Variants in PCDHGA1 observed in about 807,000 individuals in gnomAD.
PCDHGA1 encodes the protein protocadherin gamma-A1.
A neutral mutation model predicts 58.0 loss-of-function variants in PCDHGA1; 32 were observed. The observed-to-expected ratio is 0.55, with a 90% confidence interval of 0.42 to 0.74. The LOEUF is 0.74. PCDHGA1 is among the 30% of genes least tolerant of loss of function. The pLI is 0.00. For synonymous variants in PCDHGA1, 498 were observed against 501.1 expected (o/e 0.99, Z 0.08); for missense variants, 1,205 against 1,182.3 (o/e 1.02, Z -0.28).
intron 1 of PCDHGA1, among the ~76,000 whole-genome samples, chr5:141,425,551 T>C (rs1472337722): frequency 1.3e-5 from 2 of 152,270 alleles, no homozygotes. Context: ...CAGAAACCTC[T>C]TTTATAAGTG....
chr5:141,489,571 G>A lies in PCDHGA1; in HGVS notation c.2422-5236G>A, dbSNP rs1206848223. The A allele has an allele frequency of 1.9e-6, 3 of 1,613,884 alleles. No individual in the cohort carries two copies. The highest frequency in any genetic ancestry group is 2.2e-5 in the South Asian group (2 of 91,070). On this transcript the variant is annotated intron_variant, in intron 1 of 3. Transcript: ENST00000517417. The surrounding 1 kb of genome is among the most constrained non-coding windows in gnomAD (Gnocchi z 4.5). ...CCTGCTGCCAGTGCAGGTGGTGACT[G>A]AACACCCCCTGGAGCTAATCCGTGT...
At chr5:141,342,901 A>T (rs1410396664) in intron 1 of PCDHGA1, 2 of 152,192 alleles carry the variant, frequency 1.3e-5, no homozygotes, top group African/African-American at 4.8e-5. Context: ...AACAAAGGAA[A>T]CTTCTTTCAG....
intron 1 of PCDHGA1, chr5:141,350,440 A>G (rs1272491529): frequency 6.2e-7 from 1 of 1,610,678 alleles, no homozygotes; most frequent in African/African-American, 1.3e-5. Context: ...GGGAGTTGCC[A>G]ACTCGAAAAC....
chr5:141,402,684 A>G (rs2094294341), intron 1 of PCDHGA1, among the ~76,000 whole-genome samples: 1 of 152,144 alleles, frequency 6.6e-6, no homozygotes, highest in African/African-American at 2.4e-5. Context: ...ATCTGATATA[A>G]TGTTACACAT....
At position 141,361,465 on chromosome 5, in the gene PCDHGA1, G is replaced by A. The variant is rs548966955; in HGVS notation, c.2421+28360G>A. ...CATAATTGTCACCCTGCACATCTCC[G>A]ACGTCAACGATAATGCCCCAGTTTT... On this transcript the variant is annotated intron_variant, in intron 1 of 3. Transcript: ENST00000517417. 2.4e-4 allele frequency: 384 copies of A among 1,613,986 alleles called. 5 individuals carry two copies. The East Asian group carries it at 8.3e-3, about 35-fold the overall frequency.
intron 1 of PCDHGA1, chr5:141,360,475 CTAAA>C: frequency 6.2e-7 from 1 of 1,613,928 alleles, no homozygotes; most frequent in African/African-American, 1.3e-5. Flanking sequence ...TGAAAATCCA[CTAAA>C]TATTTTCTAC....
chr5:141,483,009 C>T (rs538900128), intron 1 of PCDHGA1, among the ~76,000 whole-genome samples: 4 of 151,942 alleles, frequency 2.6e-5, no homozygotes, highest in Non-Finnish European at 5.9e-5. Flanking sequence ...TGCTTGAACC[C>T]GGGAGGCAGA....
intron 1 of PCDHGA1, chr5:141,371,391 G>A (rs1356149825): frequency 6.2e-7 from 1 of 1,614,004 alleles, no homozygotes; most frequent in Admixed American, 1.7e-5. Flanking sequence ...ATATTGTAAA[G>A]TACAGATAGA....
Position 141,512,495 on chromosome 5 carries a change from C to T in PCDHGA1, c.*1322C>T, listed in dbSNP as rs2099884264. 1 of 152,920 alleles carries T rather than the reference C, an allele frequency of 6.5e-6. No homozygotes were observed. The highest frequency in any genetic ancestry group is 1.5e-5 in the Non-Finnish European group (1 of 68,240). The allele number at this position is 152,920 out of a possible 1,614,324, so 9.5% of individuals were successfully genotyped here. A position where few individuals can be genotyped will look rare whatever the true frequency, so the allele number is the denominator to read the frequency against. On this transcript the variant is annotated 3_prime_UTR_variant, in exon 4 of 4. Coordinates refer to ENST00000517417, the MANE Select transcript of PCDHGA1 (RefSeq NM_018912.3). ...TTCCGTGAAGGCCACTGCCCAGGTCCCCAGTGCGCCCCCTAGTGGCCATAG... is the reference window on the plus strand; with the variant it reads ...TTCCGTGAAGGCCACTGCCCAGGTCTCCAGTGCGCCCCCTAGTGGCCATAG...
chr5:141,486,170 C>T lies in PCDHGA1; in HGVS notation c.2422-8637C>T, dbSNP rs759946548. The stretch of plus-strand genomic sequence containing the variant: ...TGGGGGTTCTCCAGCCATGGAGCAA[C>T]ATTGCAGCCTTCGAGTGGATCTGCT... On this transcript the variant is annotated intron_variant, in intron 1 of 3. Coordinates refer to ENST00000517417, the MANE Select transcript of PCDHGA1 (RefSeq NM_018912.3). This position sits in a 1 kb window ranked among gnomAD's most constrained non-coding sequence, Gnocchi z 5.0. The T allele has an allele frequency of 1.5e-5, 24 of 1,614,116 alleles. No individual in the cohort carries two copies. Among genetic ancestry groups the T allele is most frequent in the South Asian group, 4.4e-5 (4 of 91,090 alleles).
chr5:141,388,868 A>G lies in PCDHGA1; in HGVS notation c.2421+55763A>G, dbSNP rs138074064. On this transcript the variant is annotated intron_variant, in intron 1 of 3. Transcript: ENST00000517417. The stretch of plus-strand genomic sequence containing the variant: ...GGGACGGTGGAGGAATGATTGCGCA[A>G]TGCACAGTGGAGGTAGAAGTCATAG... 208 of 1,613,992 alleles carry G rather than the reference A, an allele frequency of 1.3e-4. 2 individuals are homozygous for G. In the African/African-American group the frequency reaches 2.5e-3, roughly 19 times the overall value.
chr5:141,381,114 C>T (rs1776995401), intron 1 of PCDHGA1, among the ~76,000 whole-genome samples: 1 of 152,152 alleles, frequency 6.6e-6, no homozygotes, highest in Non-Finnish European at 1.5e-5. Context: ...CAAAGTGTTC[C>T]CTGTATTCTG....
At chr5:141,510,353 C>T (rs74759939) in intron 3 of PCDHGA1, among the ~76,000 whole-genome samples, 2 of 146,504 alleles carry the variant, frequency 1.4e-5, no homozygotes, top group African/African-American at 5.0e-5. Context: ...CACTTACTAA[C>T]GGAACTACCG....
intron 1 of PCDHGA1, chr5:141,415,029 G>T (rs777967290): frequency 8.1e-6 from 13 of 1,613,554 alleles, no homozygotes; most frequent in Non-Finnish European, 1.0e-5. Context: ...CCAGCGAGCC[G>T]GGACTCTTCG....
In PCDHGA1 at chr5:141,489,514, C is replaced by T. The variant is rs141377711; in HGVS notation, c.2422-5293C>T. 63 of 1,613,926 alleles carry T rather than the reference C, an allele frequency of 3.9e-5. No homozygotes were observed. The highest frequency in any genetic ancestry group is 6.7e-5 in the Admixed American group (4 of 60,004). ...CCTGGCAGTGAATCAAAAGATTGAC[C>T]GAGAAAGCCTATGTGGAGCCAGCAC... On this transcript the variant is annotated intron_variant, in intron 1 of 3. Coordinates refer to ENST00000517417, the MANE Select transcript of PCDHGA1 (RefSeq NM_018912.3). This position sits in a 1 kb window ranked among gnomAD's most constrained non-coding sequence, Gnocchi z 4.5.
chr5:141,405,407 C>G, intron 1 of PCDHGA1: 2 of 1,582,052 alleles, frequency 1.3e-6, no homozygotes, highest in Non-Finnish European at 1.7e-6. Flanking sequence ...TCTTTCTTTT[C>G]TTTTTTTGTT....
chr5:141,497,954 G>A (rs1203635313), intron 2 of PCDHGA1, among the ~76,000 whole-genome samples: 7 of 152,198 alleles, frequency 4.6e-5, no homozygotes, highest in Non-Finnish European at 1.5e-5. Context: ...CTTTCTGTTG[G>A]CCAGGCAGTG....
chr5:141,375,069 A>G (rs746129890), intron 1 of PCDHGA1: 4 of 1,614,040 alleles, frequency 2.5e-6, no homozygotes, highest in South Asian at 2.2e-5. Context: ...GGTCTTCGAG[A>G]CAGAGCGAAA....
chr5:141,383,610 C>T, intron 1 of PCDHGA1: 1 of 1,613,818 alleles, frequency 6.2e-7, no homozygotes, highest in South Asian at 1.1e-5. Flanking sequence ...ATGTGAATGA[C>T]CACACGCCTG....
Sources: allele counts gnomAD v4.1 joint callset (sites outside exome capture counted in the v4.1 genomes callset), GRCh38; gene constraint gnomAD v4.1.1; non-coding constraint Gnocchi (gnomAD v3.1); transcripts MANE v1.5; gene names NCBI Gene and HGNC (gene_info 2026-07-23, HGNC 2026-07-21).